Variants in RANBP17 observed in about 807,000 individuals in gnomAD.
RANBP17 encodes the protein ran-binding protein 17.
RANBP17 carries 158 observed loss-of-function variants against 141.2 expected under a neutral mutation model. That is an observed-to-expected ratio of 1.12 (90% CI 0.98 to 1.28). RANBP17 has a LOEUF of 1.28. RANBP17 is among the 50% of genes most tolerant of loss of function. The pLI, the probability that RANBP17 is intolerant of heterozygous loss-of-function variation, is 0.00. For synonymous variants in RANBP17, 430 were observed against 450.0 expected, an observed-to-expected ratio of 0.96 and a Z score of 0.56; for missense variants, 1,438 against 1,290.7, an observed-to-expected ratio of 1.11 and a Z score of -1.75.
At chr5:171,268,105 T>G (rs1766847973) in intron 25 of RANBP17, among the ~76,000 whole-genome samples, 2 of 152,180 alleles carry the variant, frequency 1.3e-5, no homozygotes, top group Admixed American at 1.3e-4. Context: ...TCACATTTAG[T>G]GAGAACTTAT....
chr5:170,911,943 A>G (rs1771562923), intron 7 of RANBP17, among the ~76,000 whole-genome samples: 1 of 151,894 alleles, frequency 6.6e-6, no homozygotes, highest in Non-Finnish European at 1.5e-5. Context: ...TAAACTCTCC[A>G]GGATCTTCTC....
At chr5:170,915,810 C>A (rs886533571) in intron 8 of RANBP17, among the ~76,000 whole-genome samples, 2 of 151,856 alleles carry the variant, frequency 1.3e-5, no homozygotes, top group African/African-American at 4.8e-5. Flanking sequence ...CATACTGTAC[C>A]ACAAAACCAT....
At chr5:171,116,869 G>A (rs1755669903) in intron 14 of RANBP17, among the ~76,000 whole-genome samples, 1 of 151,952 alleles carries the variant, frequency 6.6e-6, no homozygotes, top group Admixed American at 6.6e-5. Flanking sequence ...TTACTTCTAT[G>A]AGACCAACTC....
intron 14 of RANBP17, among the ~76,000 whole-genome samples, chr5:171,106,613 C>G (rs1754855378): frequency 6.6e-6 from 1 of 152,128 alleles, no homozygotes; most frequent in African/African-American, 2.4e-5. Context: ...GACTTGGAGC[C>G]TGATAATCCA....
chr5:170,925,470 G>T (rs1772841248), intron 12 of RANBP17, among the ~76,000 whole-genome samples: 1 of 151,804 alleles, frequency 6.6e-6, no homozygotes, highest in African/African-American at 2.4e-5. Flanking sequence ...CTTCATTATT[G>T]ATTTATTCTT....
chr5:170,923,267 T>G (rs1772625118), intron 11 of RANBP17, among the ~76,000 whole-genome samples: 2 of 152,206 alleles, frequency 1.3e-5, no homozygotes, highest in Non-Finnish European at 2.9e-5. Context: ...AGACTATCCT[T>G]TCTCCATTGA....
chr5:171,073,442 G>A (rs903983255), intron 14 of RANBP17, among the ~76,000 whole-genome samples: 1 of 152,118 alleles, frequency 6.6e-6, no homozygotes, highest in Non-Finnish European at 1.5e-5. Flanking sequence ...AACAATAAGT[G>A]AACATATTGT....
chr5:170,890,799 T>C (rs547082805), intron 3 of RANBP17, among the ~76,000 whole-genome samples: 1 of 152,234 alleles, frequency 6.6e-6, no homozygotes, highest in Non-Finnish European at 1.5e-5. Flanking sequence ...ATTAACTTTA[T>C]TACAAGCTTG....
chr5:171,010,509 G>A (rs966216728), intron 14 of RANBP17, among the ~76,000 whole-genome samples: 16 of 152,116 alleles, frequency 1.1e-4, no homozygotes, highest in African/African-American at 3.9e-4. Context: ...ATTATATGAA[G>A]TGCCCAGCCA....
intron 18 of RANBP17, among the ~76,000 whole-genome samples, chr5:171,191,949 A>G (rs1172419282): frequency 1.3e-5 from 2 of 152,202 alleles, no homozygotes; most frequent in Non-Finnish European, 2.9e-5. Flanking sequence ...GCGTCTATGA[A>G]ATAAACAGAT....
At chr5:170,872,515 A>G (rs533648967) in intron 1 of RANBP17, among the ~76,000 whole-genome samples, 36 of 152,210 alleles carry the variant, frequency 2.4e-4, no homozygotes, top group African/African-American at 8.4e-4. Flanking sequence ...TTCTTTTGCC[A>G]GATTGCCCTG....
At chr5:171,289,124 C>T (rs142543165) in intron 25 of RANBP17, among the ~76,000 whole-genome samples, 32 of 152,270 alleles carry the variant, frequency 2.1e-4, no homozygotes, top group African/African-American at 7.7e-4. Flanking sequence ...GTTGCTCTTT[C>T]CTAAATCTCT....
At chr5:171,174,403 G>C (rs1467215172) in intron 16 of RANBP17, among the ~76,000 whole-genome samples, 1 of 152,122 alleles carries the variant, frequency 6.6e-6, no homozygotes, top group Non-Finnish European at 1.5e-5. Flanking sequence ...GAAAAGGAGA[G>C]ATTGTTCAAA....
chr5:171,266,069 G>A (rs533530206), intron 25 of RANBP17, among the ~76,000 whole-genome samples: 2 of 152,272 alleles, frequency 1.3e-5, no homozygotes, highest in East Asian at 1.9e-4. Flanking sequence ...TCTCACCTCA[G>A]TGGAGCTAGA....
intron 14 of RANBP17, among the ~76,000 whole-genome samples, chr5:171,098,641 A>G (rs2127739470): frequency 6.6e-6 from 1 of 152,258 alleles, no homozygotes; most frequent in African/African-American, 2.4e-5. Context: ...CTTTAGTTTA[A>G]TTAAATCCCA....
chr5:170,879,045 G>A (rs1011228354), intron 2 of RANBP17, among the ~76,000 whole-genome samples: 6 of 151,924 alleles, frequency 3.9e-5, no homozygotes, highest in Admixed American at 2.0e-4. Context: ...GTTTTTGGGC[G>A]GATAACATTT....
intron 14 of RANBP17, among the ~76,000 whole-genome samples, chr5:171,041,665 C>T (rs1250856281): frequency 6.6e-6 from 1 of 152,048 alleles, no homozygotes. Flanking sequence ...ATACTGTAAA[C>T]AATTGTAACA....
intron 4 of RANBP17, among the ~76,000 whole-genome samples, chr5:170,893,238 G>A (rs868109944): frequency 1.1e-5 from 1 of 89,436 alleles, no homozygotes; most frequent in African/African-American, 3.0e-5. Context: ...TATATGGACA[G>A]CCAAAAAAAA....
chr5:171,211,176 T>G (rs1246267795), intron 20 of RANBP17, among the ~76,000 whole-genome samples: 4 of 152,120 alleles, frequency 2.6e-5, no homozygotes, highest in African/African-American at 9.7e-5. Flanking sequence ...GTGGATTGAC[T>G]TTATTTTTGT....
Sources: allele counts gnomAD v4.1 joint callset (sites outside exome capture counted in the v4.1 genomes callset), GRCh38; gene constraint gnomAD v4.1.1; transcripts MANE v1.5; gene names NCBI Gene and HGNC (gene_info 2026-07-23, HGNC 2026-07-21).